The following SLC38A3 variants were observed in gnomAD, a reference collection of about 807,000 sequenced individuals.
SLC38A3 encodes the protein solute carrier family 38 member 3.
Under a neutral mutation model 59.5 loss-of-function variants are expected in SLC38A3, and 17 were observed. That is an observed-to-expected ratio of 0.29 (90% CI 0.20 to 0.43). SLC38A3 has a LOEUF of 0.43. SLC38A3 is among the 20% of genes least tolerant of loss of function. The pLI is 1.00. For synonymous variants in SLC38A3, 238 were observed against 260.3 expected (o/e 0.91, Z 0.82); for missense variants, 454 against 653.9 (o/e 0.69, Z 3.33).
In SLC38A3 at chr3:50,221,172, G is replaced by A. The variant is rs752276253; in HGVS notation, c.*995G>A. ...CACACTCAGACCCAGCTCTGGGCCT[G>A]GGCCAGGCTCAGCACAGACCTGCTT... On this transcript the variant is annotated 3_prime_UTR_variant, in exon 16 of 16. Transcript: ENST00000614032. 1 of 142,572 alleles carries A rather than the reference G, an allele frequency of 7.0e-6. No homozygotes were observed. The highest frequency in any genetic ancestry group is 2.6e-5 in the African/African-American group (1 of 38,092). The allele number at this position is 142,572 out of a possible 1,614,324, so 8.8% of individuals were successfully genotyped here.
chr3:50,211,295 C>T (rs1026791391), intron 1 of SLC38A3, among the ~76,000 whole-genome samples: 1 of 152,222 alleles, frequency 6.6e-6, no homozygotes. Flanking sequence ...AGTGCTAATC[C>T]TCACCCTGGC....
chr3:50,213,462 C>T (rs1177970073), intron 1 of SLC38A3, among the ~76,000 whole-genome samples: 2 of 152,200 alleles, frequency 1.3e-5, no homozygotes, highest in African/African-American at 2.4e-5. Context: ...TGCAGCCAGG[C>T]GGGAAGGGCC....
At chr3:50,209,615 C>G (rs1699696198) in intron 1 of SLC38A3, among the ~76,000 whole-genome samples, 1 of 151,116 alleles carries the variant, frequency 6.6e-6, no homozygotes, top group South Asian at 2.1e-4. Context: ...CGCCACTGCA[C>G]TCCAGCCTGG....
At chr3:50,208,607 T>C (rs1221528131) in intron 1 of SLC38A3, among the ~76,000 whole-genome samples, 3 of 152,150 alleles carry the variant, frequency 2.0e-5, no homozygotes, top group Admixed American at 2.0e-4. Flanking sequence ...CTTCCTCCAT[T>C]TGGCTGTCTC....
In SLC38A3 at chr3:50,217,305, C is replaced by T. The variant is rs746051292; in HGVS notation, c.616C>T (p.Leu206=). The change falls in exon 8 of 16, where the codon CTG becomes TTG. Residue 206 remains leucine, a synonymous_variant. Coordinates refer to ENST00000614032, the MANE Select transcript of SLC38A3 (RefSeq NM_006841.6). This position sits in a 1 kb window ranked among gnomAD's most constrained non-coding sequence, Gnocchi z 4.9. ...TGTCACCATCATTCTGCCCCTGGCA[C>T]TGATGCGGCAGCTTGGTGAGTGTGG... ...VSVTIILPLA[L]MRQLGYLGYS... 6.2e-7 allele frequency: 1 copy of T among 1,613,652 alleles called. No homozygotes were observed. The highest frequency in any genetic ancestry group is 1.1e-5 in the South Asian group (1 of 90,960).
intron 14 of SLC38A3, 148 bp downstream of exon 14, chr3:50,219,096 G>A: frequency 9.7e-7 from 1 of 1,031,966 alleles, no homozygotes. Flanking sequence ...TTTGTCCATA[G>A]GCTATTCTAA....
At chr3:50,219,085 T>G (rs1699864342) in intron 14 of SLC38A3, 137 bp downstream of exon 14, 4 of 1,111,486 alleles carry the variant, frequency 3.6e-6, no homozygotes, top group African/African-American at 1.6e-5. Flanking sequence ...CCATCTGAGC[T>G]TTTGTCCATA....
Position 50,217,826 on chromosome 3 carries a change from A to G in SLC38A3, c.841A>G (p.Thr281Ala). 1.2e-6 allele frequency: 2 copies of G among 1,614,028 alleles called. No individual in the cohort carries two copies. The highest frequency in any genetic ancestry group is 1.1e-5 in the South Asian group (1 of 91,084). The change falls in exon 10 of 16, where the codon ACG becomes GCG. Residue 281 changes from threonine (T) to alanine (A), a missense_variant. Physicochemically the swap from Thr to Ala is moderately conservative, Grantham distance 58 (BLOSUM62 0). Transcript: ENST00000614032. The surrounding 1 kb of genome is among the most constrained non-coding windows in gnomAD (Gnocchi z 4.9). ...ASAFCTPSYF[T>A]LNSQTAYTIP... ...AGCCTTCTGCACTCCCAGCTACTTC[A>G]CGCTCAACTCACAGGTTCTGACAGG...
At chr3:50,219,065 G>A (rs1699864185) in intron 14 of SLC38A3, 117 bp downstream of exon 14, 6 of 1,313,536 alleles carry the variant, frequency 4.6e-6, no homozygotes, top group Non-Finnish European at 6.3e-6. Flanking sequence ...CATGTGCACA[G>A]TTTGGCCTTC....
intron 14 of SLC38A3, among the ~76,000 whole-genome samples, chr3:50,219,248 AT>A: frequency 6.6e-6 from 1 of 152,322 alleles, no homozygotes; most frequent in African/African-American, 2.4e-5. Flanking sequence ...GTTCAGAGTG[AT>A]TAAAGGAGCA....
At chr3:50,211,104 T>G (rs1699720116) in intron 1 of SLC38A3, among the ~76,000 whole-genome samples, 1 of 152,204 alleles carries the variant, frequency 6.6e-6, no homozygotes, top group Non-Finnish European at 1.5e-5. Flanking sequence ...TACTCTGGGC[T>G]TTCACCACAG....
In SLC38A3 at chr3:50,214,677, A is replaced by G; in HGVS notation, c.208A>G (p.Met70Val). The G allele has an allele frequency of 6.2e-7, 1 of 1,610,604 alleles. No individual in the cohort carries two copies. Among genetic ancestry groups the G allele is most frequent in the Non-Finnish European group, 8.5e-7 (1 of 1,177,694 alleles). The change falls in exon 4 of 16, where the codon ATG becomes GTG. Residue 70 changes from methionine (M) to valine (V), a missense_variant. Around this residue, in one of 3 missense-constraint regions of SLC38A3, gnomAD observed 390 missense variants for 557.9 expected, o/e 0.70. Transcript: ENST00000614032. This position sits in a 1 kb window ranked among gnomAD's most constrained non-coding sequence, Gnocchi z 6.0. ...TDFEGKTSFGMSVFNLSNAIM... is the reference protein window; with the variant it reads ...TDFEGKTSFGVSVFNLSNAIM... ...GTTCGAGGGGAAGACATCATTCGGG[A>G]TGTCAGTGTTCAACCTCAGCAATGC...
At chr3:50,209,217 C>G (rs1053122987) in intron 1 of SLC38A3, among the ~76,000 whole-genome samples, 1 of 152,194 alleles carries the variant, frequency 6.6e-6, no homozygotes, top group Non-Finnish European at 1.5e-5. Context: ...TGCTGTTGCT[C>G]TAGCCCACTC....
In SLC38A3 at chr3:50,219,936, A is replaced by G. The variant is rs1438933665; in HGVS notation, c.1362A>G (p.Arg454=). ...TCTTCCCTGCCATCTTCTACTTCCG[A>G]ATCATGCCCACGGAGAAGGAGCCTG... is the stretch of plus-strand genomic sequence containing the variant. ...IFIFPAIFYF[R]IMPTEKEPAR... Residue 454 remains arginine, a synonymous_variant, in exon 15 of 16, where the codon CGA becomes CGG. Coordinates refer to ENST00000614032, the MANE Select transcript of SLC38A3 (RefSeq NM_006841.6). The G allele has an allele frequency of 6.2e-7, 1 of 1,613,384 alleles. No homozygotes were observed.
At position 50,217,862 on chromosome 3, in the gene SLC38A3, G is replaced by C; in HGVS notation, c.855+22G>C. ...ACAGGTTCTGACAGGTCAGGGCAAG[G>C]CGGGGGCCCAATGAGAGTGGCAGAC... is the stretch of plus-strand genomic sequence containing the variant. On this transcript the variant is annotated intron_variant, in intron 10 of 15. Transcript: ENST00000614032. This position sits in a 1 kb window ranked among gnomAD's most constrained non-coding sequence, Gnocchi z 4.9. The C allele has an allele frequency of 8.1e-6, 13 of 1,614,038 alleles. No individual in the cohort carries two copies. Among genetic ancestry groups the C allele is most frequent in the Non-Finnish European group, 1.1e-5 (13 of 1,179,892 alleles).
chr3:50,205,734 G>T (rs1191295225), intron 1 of SLC38A3, among the ~76,000 whole-genome samples: 1 of 152,260 alleles, frequency 6.6e-6, no homozygotes, highest in African/African-American at 2.4e-5. Flanking sequence ...GCAGGCTGGA[G>T]AGGGCCCGAG....
At chr3:50,211,132 G>T (rs1699720457) in intron 1 of SLC38A3, among the ~76,000 whole-genome samples, 1 of 152,238 alleles carries the variant, frequency 6.6e-6, no homozygotes, top group African/African-American at 2.4e-5. Flanking sequence ...GGCTCTGCTG[G>T]CAGCCTTTCT....
chr3:50,214,131 G>C lies in SLC38A3; in HGVS notation c.-51-18G>C. ...GCCCAAGTAACGGGGCTAACCAGAGGGACCGGCTGCTCTGCAGACATCTGA... is the reference window on the plus strand; with the variant it reads ...GCCCAAGTAACGGGGCTAACCAGAGCGACCGGCTGCTCTGCAGACATCTGA... On this transcript the variant is annotated intron_variant, in intron 1 of 15. Coordinates refer to ENST00000614032, the MANE Select transcript of SLC38A3 (RefSeq NM_006841.6). This position sits in a 1 kb window ranked among gnomAD's most constrained non-coding sequence, Gnocchi z 6.0. 6.8e-7 allele frequency: 1 copy of C among 1,474,492 alleles called. No individual in the cohort carries two copies. Among genetic ancestry groups the C allele is most frequent in the East Asian group, 2.3e-5 (1 of 42,890 alleles). 91.3% of individuals were successfully genotyped at this position (1,474,492 alleles called of 1,614,324 possible). A position where few individuals can be genotyped will look rare whatever the true frequency, so the allele number is the denominator to read the frequency against.
rs759142173 is a variant in SLC38A3, at chr3:50,218,251, C to G, written c.936-19C>G. 3 of 1,435,944 alleles carry G rather than the reference C, an allele frequency of 2.1e-6. No individual in the cohort carries two copies. Among genetic ancestry groups the G allele is most frequent in the Non-Finnish European group, 2.9e-6 (3 of 1,017,778 alleles). 89.0% of individuals were successfully genotyped at this position (1,435,944 alleles called of 1,614,324 possible). On this transcript the variant is annotated intron_variant, in intron 11 of 15. Coordinates refer to ENST00000614032, the MANE Select transcript of SLC38A3 (RefSeq NM_006841.6). The surrounding 1 kb of genome is among the most constrained non-coding windows in gnomAD (Gnocchi z 5.8). ...TTACCCAGCTTGTCACCAACACCCACCCCCCCACTTCCCCACAGCCCCTCC... is the reference window on the plus strand; with the variant it reads ...TTACCCAGCTTGTCACCAACACCCAGCCCCCCACTTCCCCACAGCCCCTCC...
Sources: gnomAD v4.1 joint callset for allele counts (sites outside exome capture counted in the v4.1 genomes callset) on GRCh38, gnomAD v4.1.1 for gene constraint, gnomAD v4.1.1 regional missense constraint, Gnocchi (gnomAD v3.1) non-coding constraint, MANE v1.5 for transcripts, NCBI Gene and HGNC (gene_info 2026-07-23, HGNC 2026-07-21) for gene names.